Variants in LAMC1 observed in about 807,000 individuals in gnomAD.
LAMC1 encodes laminin subunit gamma 1.
Under a neutral mutation model 173.6 loss-of-function variants are expected in LAMC1, and 38 were observed. That is an observed-to-expected ratio of 0.22 (90% CI 0.17 to 0.29). The LOEUF is 0.29. Ranked by LOEUF, LAMC1 falls within the 10% of genes least tolerant of loss-of-function variation. LAMC1 has a pLI of 1.00. For synonymous variants in LAMC1, 746 were observed against 749.1 expected (o/e 1.00, Z 0.07); for missense variants, 1,824 against 2,051.8 (o/e 0.89, Z 2.14).
In LAMC1 at chr1:183,023,758, G is replaced by A; in HGVS notation, c.42G>A (p.Arg14=). Residue 14 remains arginine, a synonymous_variant, in exon 1 of 28, where the codon CGG becomes CGA. Transcript: ENST00000258341. ...GGGCCGCGCCGGCCCTGCGGCCCCGGGGGCGGCTCTGGCCCGTGCTGGCCG... is the reference window on the plus strand; with the variant it reads ...GGGCCGCGCCGGCCCTGCGGCCCCGAGGGCGGCTCTGGCCCGTGCTGGCCG... ...SHRAAPALRP[R]GRLWPVLAVL... 2 of 1,225,088 alleles carry A rather than the reference G, an allele frequency of 1.6e-6. No individual in the cohort carries two copies. The highest frequency in any genetic ancestry group is 6.8e-5 in the East Asian group (2 of 29,442). The allele number at this position is 1,225,088 out of a possible 1,614,324, so 75.9% of individuals were successfully genotyped here. A position where few individuals can be genotyped will look rare whatever the true frequency, so the allele number is the denominator to read the frequency against.
chr1:183,131,457 GTGTATT>G lies in LAMC1; in HGVS notation c.3566+80_3566+85del, dbSNP rs1368793099. 1.4e-4 allele frequency: 142 copies of G among 1,021,444 alleles called. 2 individuals are homozygous for G. The highest frequency in any genetic ancestry group is 8.0e-4 in the African/African-American group (52 of 64,684). The allele number at this position is 1,021,444 out of a possible 1,614,324, so 63.3% of individuals were successfully genotyped here. On this transcript the variant is annotated intron_variant, in intron 20 of 27. Coordinates refer to ENST00000258341, the MANE Select transcript of LAMC1 (RefSeq NM_002293.4). ...TGTGTGTGTGTGTGTGTGTGTGTGT[GTGTATT>G]GTCTTATCCCATAACCCATAAACAC...
At chr1:183,072,850 C>G (rs1655044364) in intron 1 of LAMC1, among the ~76,000 whole-genome samples, 2 of 152,208 alleles carry the variant, frequency 1.3e-5, no homozygotes, top group African/African-American at 4.8e-5. Context: ...GTTGCGTGCT[C>G]TTTATGAGAA....
intron 1 of LAMC1, among the ~76,000 whole-genome samples, chr1:183,101,221 C>T (rs1053890268): frequency 2.6e-5 from 4 of 151,926 alleles, no homozygotes; most frequent in Admixed American, 2.6e-4. Context: ...ACAGTCGAGG[C>T]CACCTACTCA....
intron 2 of LAMC1, among the ~76,000 whole-genome samples, chr1:183,105,224 CAAAA>C (rs35512159): frequency 3.7e-3 from 159 of 42,842 alleles, no homozygotes; most frequent in African/African-American, 0.013. Context: ...GACTCCATCT[CAAAA>C]AAAAAAAAAA....
chr1:183,027,304 T>C (rs1485128318), intron 1 of LAMC1, among the ~76,000 whole-genome samples: 1 of 152,176 alleles, frequency 6.6e-6, no homozygotes, highest in Admixed American at 6.5e-5. Context: ...TAAGAAGAAG[T>C]CTTTTTTGTT....
chr1:183,133,829 A>C (rs1009521516), intron 22 of LAMC1, among the ~76,000 whole-genome samples: 2 of 152,208 alleles, frequency 1.3e-5, no homozygotes, highest in African/African-American at 4.8e-5. Flanking sequence ...AAAAACAAAA[A>C]CAAAAACTTA....
chr1:183,072,154 T>G (rs1038047857), intron 1 of LAMC1, among the ~76,000 whole-genome samples: 3 of 152,174 alleles, frequency 2.0e-5, no homozygotes, highest in Non-Finnish European at 4.4e-5. Context: ...TAATAGCACA[T>G]AGGTAGTTTG....
intron 1 of LAMC1, among the ~76,000 whole-genome samples, chr1:183,066,875 A>G (rs951699597): frequency 1.3e-5 from 2 of 152,174 alleles, no homozygotes; most frequent in African/African-American, 4.8e-5. Flanking sequence ...TGATGGGTTA[A>G]TGGGTGCAGC....
chr1:183,062,692 C>T (rs1654771889), intron 1 of LAMC1, among the ~76,000 whole-genome samples: 2 of 152,096 alleles, frequency 1.3e-5, no homozygotes, highest in South Asian at 2.1e-4. Flanking sequence ...TGGCTCACGC[C>T]TGTAATCCTA....
chr1:183,110,559 A>G lies in LAMC1; in HGVS notation c.926A>G (p.His309Arg), dbSNP rs373567688. The G allele has an allele frequency of 6.2e-7, 1 of 1,613,954 alleles. No individual in the cohort carries two copies. Among genetic ancestry groups the G allele is most frequent in the Non-Finnish European group, 8.5e-7 (1 of 1,179,934 alleles). Residue 309 changes from histidine (H) to arginine (R), a missense_variant, in exon 4 of 28, where the codon CAT becomes CGT. Transcript: ENST00000258341. ...GATAAGCTGGTGTGTAATTGCAAAC[A>G]TAACACATATGGAGTAGACTGTGAA... ...EFDKLVCNCK[H>R]NTYGVDCEKC...
intron 18 of LAMC1, among the ~76,000 whole-genome samples, chr1:183,129,779 T>G (rs928477660): frequency 6.6e-6 from 1 of 152,074 alleles, no homozygotes; most frequent in Non-Finnish European, 1.5e-5. Flanking sequence ...TAAAGAATAA[T>G]TTGAAGAACT....
intron 1 of LAMC1, among the ~76,000 whole-genome samples, chr1:183,095,172 C>T (rs116506312): frequency 4.2e-3 from 640 of 152,246 alleles, no homozygotes; most frequent in Non-Finnish European, 7.1e-3. Context: ...TAGCACATCA[C>T]AGTGGACTTT....
intron 1 of LAMC1, among the ~76,000 whole-genome samples, chr1:183,040,380 A>T (rs190549548): frequency 6.6e-6 from 1 of 152,362 alleles, no homozygotes; most frequent in African/African-American, 2.4e-5. Context: ...TGTCAGAGGA[A>T]CAAAAGATGG....
intron 1 of LAMC1, among the ~76,000 whole-genome samples, chr1:183,079,220 ATC>A (rs1233573457): frequency 1.8e-5 from 2 of 109,320 alleles, no homozygotes; most frequent in Non-Finnish European, 3.7e-5. Context: ...CAACTTTCTG[ATC>A]TCTAATCTGG....
At chr1:183,128,968 T>C (rs1296765985) in intron 18 of LAMC1, 1 of 288,238 alleles carries the variant, frequency 3.5e-6, no homozygotes, top group East Asian at 5.8e-5. Context: ...TTCCAACAAA[T>C]AAAAAACTAT....
At chr1:183,041,760 T>G (rs1410566243) in intron 1 of LAMC1, among the ~76,000 whole-genome samples, 2 of 152,192 alleles carry the variant, frequency 1.3e-5, no homozygotes, top group Non-Finnish European at 2.9e-5. Flanking sequence ...AGGATTTCAT[T>G]GGCTTCCCCT....
chr1:183,068,131 A>G (rs767863822), intron 1 of LAMC1, among the ~76,000 whole-genome samples: 4 of 152,170 alleles, frequency 2.6e-5, no homozygotes, highest in Non-Finnish European at 5.9e-5. Context: ...TGAGTTTCTT[A>G]GTACCAAATT....
intron 26 of LAMC1, among the ~76,000 whole-genome samples, chr1:183,138,945 A>T (rs749838455): frequency 3.3e-5 from 5 of 151,970 alleles, no homozygotes; most frequent in Non-Finnish European, 7.4e-5. Flanking sequence ...CCCCAGCTAC[A>T]TAGGAGGCTG....
chr1:183,059,883 T>C (rs1012835670), intron 1 of LAMC1, among the ~76,000 whole-genome samples: 1 of 152,180 alleles, frequency 6.6e-6, no homozygotes, highest in Non-Finnish European at 1.5e-5. Flanking sequence ...GACTGTAGGT[T>C]CCTTGATTAT....
Sources: gnomAD v4.1 joint callset for allele counts (sites outside exome capture counted in the v4.1 genomes callset) on GRCh38, gnomAD v4.1.1 for gene constraint, MANE v1.5 for transcripts, NCBI Gene and HGNC (gene_info 2026-07-23, HGNC 2026-07-21) for gene names.